Variants in NELL1 observed in about 807,000 individuals in gnomAD.
NELL1 encodes the protein neural EGFL like 1.
A neutral mutation model predicts 107.4 loss-of-function variants in NELL1; 76 were observed. The ratio of observed to expected loss-of-function variants is 0.71; its 90% CI spans 0.59 to 0.86. The LOEUF (loss-of-function observed/expected upper bound fraction) is 0.86, where lower values mean the gene tolerates loss of function less well. Ranked by LOEUF, NELL1 falls within the 40% of genes least tolerant of loss-of-function variation. NELL1 has a pLI of 0.00. For missense variants in NELL1, 1,024 were observed against 1,005.5 expected (o/e 1.02, Z -0.25); for synonymous variants, 353 against 341.2 (o/e 1.03, Z -0.38).
chr11:21,340,305 G>A (rs867974282), intron 14 of NELL1, among the ~76,000 whole-genome samples: 5 of 151,960 alleles, frequency 3.3e-5, no homozygotes, highest in South Asian at 4.2e-4. Context: ...GGCGCCCACC[G>A]CCATACCTGG....
chr11:21,090,545 C>G (rs1456052999), intron 12 of NELL1, among the ~76,000 whole-genome samples: 2 of 152,132 alleles, frequency 1.3e-5, no homozygotes, highest in Non-Finnish European at 2.9e-5. Flanking sequence ...CACTTTGCAG[C>G]TGTGTGACGT....
chr11:21,065,468 C>A (rs1032365915), intron 12 of NELL1, among the ~76,000 whole-genome samples: 3 of 152,022 alleles, frequency 2.0e-5, no homozygotes, highest in African/African-American at 7.2e-5. Context: ...CACTCTGATT[C>A]AGTGAGGATG....
chr11:20,849,951 A>G (rs1290419160), intron 4 of NELL1, among the ~76,000 whole-genome samples: 1 of 152,160 alleles, frequency 6.6e-6, no homozygotes, highest in East Asian at 1.9e-4. Flanking sequence ...AGCCCTCCAT[A>G]TAGGTTCCAT....
At chr11:20,705,391 C>T (rs191920143) in intron 2 of NELL1, among the ~76,000 whole-genome samples, 10,075 of 151,910 alleles carry the variant, frequency 0.066, 444 homozygotes, top group Middle Eastern at 0.14. Context: ...CTTTGACAAA[C>T]CTGACAAAAA....
intron 15 of NELL1, among the ~76,000 whole-genome samples, chr11:21,438,416 G>A (rs1042033111): frequency 5.3e-5 from 8 of 152,070 alleles, no homozygotes; most frequent in Non-Finnish European, 1.0e-4. Context: ...GAATGTTACA[G>A]TTTGACCGAA....
At chr11:21,101,171 T>A (rs1854800177) in intron 12 of NELL1, among the ~76,000 whole-genome samples, 1 of 152,170 alleles carries the variant, frequency 6.6e-6, no homozygotes, top group Non-Finnish European at 1.5e-5. Flanking sequence ...CATGAACTCG[T>A]CATTTTTTAT....
intron 15 of NELL1, among the ~76,000 whole-genome samples, chr11:21,517,581 T>G (rs921178812): frequency 3.3e-5 from 5 of 152,174 alleles, no homozygotes; most frequent in Admixed American, 3.3e-4. Flanking sequence ...TATAGACATG[T>G]CAATCCTCTG....
chr11:20,863,033 T>C (rs188652431), intron 4 of NELL1, among the ~76,000 whole-genome samples: 168 of 152,294 alleles, frequency 1.1e-3, no homozygotes, highest in African/African-American at 3.9e-3. Context: ...CAATCTGATT[T>C]CTCTTTTGCC....
At chr11:21,174,880 C>A (rs1856680412) in intron 13 of NELL1, among the ~76,000 whole-genome samples, 1 of 151,716 alleles carries the variant, frequency 6.6e-6, no homozygotes. Flanking sequence ...ATGAGAGGGA[C>A]TTTATGATTG....
rs78183680 is a variant in NELL1, at chr11:21,099,770, A to T, written c.1301-13819A>T. On this transcript the variant is annotated intron_variant, in intron 12 of 19. Coordinates refer to ENST00000357134, the MANE Select transcript of NELL1 (RefSeq NM_006157.5). ...AAATCTGGCATTTGAACTATTTGTC[A>T]CATTTTTTTCTTTCCAGCTATGTGA... Among the ~76,000 whole-genome samples, 869 of 152,256 alleles carry T rather than the reference A, an allele frequency of 5.7e-3. 14 individuals carry two copies. The highest frequency in any genetic ancestry group is 0.041 in the East Asian group (210 of 5,166).
intron 12 of NELL1, among the ~76,000 whole-genome samples, chr11:21,093,057 G>A (rs1244264752): frequency 6.6e-6 from 1 of 152,148 alleles, no homozygotes; most frequent in Non-Finnish European, 1.5e-5. Context: ...GCTACTGAAT[G>A]TTTACCATTG....
At chr11:20,691,422 G>C (rs1198709223) in intron 2 of NELL1, among the ~76,000 whole-genome samples, 1 of 151,690 alleles carries the variant, frequency 6.6e-6, no homozygotes, top group Non-Finnish European at 1.5e-5. Context: ...CTGTGGGTTT[G>C]TCATAGATAG....
At chr11:20,842,246 G>A (rs1332839785) in intron 3 of NELL1, among the ~76,000 whole-genome samples, 2 of 151,896 alleles carry the variant, frequency 1.3e-5, no homozygotes, top group African/African-American at 2.4e-5. Flanking sequence ...GCATGGTGGT[G>A]GGGTGCCTGT....
intron 15 of NELL1, among the ~76,000 whole-genome samples, chr11:21,436,668 A>G (rs905880967): frequency 9.9e-5 from 15 of 151,688 alleles, no homozygotes; most frequent in African/African-American, 3.6e-4. Context: ...TTTTTCCTCT[A>G]CCTATTTTGG....
chr11:21,517,311 G>C lies in NELL1; in HGVS notation c.1646-17063G>C, dbSNP rs140980109. ...TGCCCTGCACAGCGTTGGTCTAAAT[G>C]ACATTTTCAAACAAATAAATAAAAC... On this transcript the variant is annotated intron_variant, in intron 15 of 19. Transcript: ENST00000357134. Among the ~76,000 whole-genome samples the C allele has an allele frequency of 4.4e-3, 669 of 152,218 alleles. 5 individuals carry two copies. Among genetic ancestry groups the C allele is most frequent in the African/African-American group, 0.015 (638 of 41,524 alleles).
chr11:20,778,730 C>A (rs1050804128), intron 2 of NELL1, among the ~76,000 whole-genome samples: 2 of 151,920 alleles, frequency 1.3e-5, no homozygotes, highest in South Asian at 4.2e-4. Flanking sequence ...TTGTTGTGTG[C>A]GAAACTACCT....
intron 15 of NELL1, among the ~76,000 whole-genome samples, chr11:21,512,303 T>C (rs989405393): frequency 6.6e-6 from 1 of 152,100 alleles, no homozygotes; most frequent in Non-Finnish European, 1.5e-5. Flanking sequence ...TTATCCCACC[T>C]CTGTTAGATA....
At chr11:20,934,664 C>T (rs1406481989) in intron 9 of NELL1, among the ~76,000 whole-genome samples, 9 of 152,220 alleles carry the variant, frequency 5.9e-5, no homozygotes, top group Non-Finnish European at 1.0e-4. Flanking sequence ...AAGCAGATGG[C>T]AGATTTGACA....
chr11:20,885,111 A>T (rs749491483), intron 4 of NELL1, among the ~76,000 whole-genome samples: 1 of 152,212 alleles, frequency 6.6e-6, no homozygotes, highest in Non-Finnish European at 1.5e-5. Context: ...TAACTCATTT[A>T]TGATTCCTAA....
Sources: allele counts gnomAD v4.1 joint callset (sites outside exome capture counted in the v4.1 genomes callset), GRCh38; gene constraint gnomAD v4.1.1; transcripts MANE v1.5; gene names NCBI Gene and HGNC (gene_info 2026-07-23, HGNC 2026-07-21).